Variants in CACNB4 observed in about 807,000 individuals in gnomAD.
CACNB4 encodes calcium voltage-gated channel auxiliary subunit beta 4, also known as voltage-dependent L-type calcium channel subunit beta-4.
Under a neutral mutation model 71.2 loss-of-function variants are expected in CACNB4, and 32 were observed. The ratio of observed to expected loss-of-function variants is 0.45; its 90% CI spans 0.34 to 0.60. The LOEUF (loss-of-function observed/expected upper bound fraction) is 0.60, where lower values mean the gene tolerates loss of function less well. Among genes scored for constraint, CACNB4 ranks in the 20% least tolerant of loss-of-function variants. CACNB4 has a pLI of 0.01. For synonymous variants in CACNB4, 231 were observed against 236.9 expected, an observed-to-expected ratio of 0.97 and a Z score of 0.23; for missense variants, 464 against 647.9, an observed-to-expected ratio of 0.72 and a Z score of 3.08.
intron 2 of CACNB4, among the ~76,000 whole-genome samples, chr2:151,940,002 CGTTA>C (rs1443602366): frequency 1.3e-5 from 2 of 152,074 alleles, no homozygotes; most frequent in Non-Finnish European, 2.9e-5. Context: ...AAATTTTACT[CGTTA>C]GTTTTGAAAT....
intron 2 of CACNB4, among the ~76,000 whole-genome samples, chr2:152,095,843 G>A (rs1214777924): frequency 1.3e-5 from 2 of 151,994 alleles, no homozygotes; most frequent in African/African-American, 2.4e-5. Context: ...TAGTACAGTC[G>A]GGGTTTCACC....
At chr2:152,084,595 T>C (rs1052870852) in intron 2 of CACNB4, among the ~76,000 whole-genome samples, 2 of 152,178 alleles carry the variant, frequency 1.3e-5, no homozygotes, top group African/African-American at 4.8e-5. Context: ...CAACTTCTGC[T>C]GCTGCTTCTG....
intron 2 of CACNB4, among the ~76,000 whole-genome samples, chr2:151,941,779 G>A (rs1199885070): frequency 1.3e-5 from 2 of 152,140 alleles, no homozygotes; most frequent in Non-Finnish European, 2.9e-5. Flanking sequence ...GCACCTTAAG[G>A]TTATGTGCTA....
At chr2:151,883,195 T>C in intron 3 of CACNB4, 56 bp downstream of exon 3, 1 of 1,578,534 alleles carries the variant, frequency 6.3e-7, no homozygotes, top group Non-Finnish European at 8.7e-7. Flanking sequence ...GAAGAGCAGC[T>C]GGTAGCCACT....
chr2:151,924,073 CTTTTTTTT>C (rs59036016), intron 2 of CACNB4, among the ~76,000 whole-genome samples: 1 of 91,418 alleles, frequency 1.1e-5, no homozygotes, highest in Non-Finnish European at 1.9e-5. Context: ...ATTCTGAAAT[CTTTTTTTT>C]TTTTTTTTTT....
chr2:151,957,663 G>T (rs2099868673), intron 2 of CACNB4, among the ~76,000 whole-genome samples: 1 of 152,156 alleles, frequency 6.6e-6, no homozygotes, highest in South Asian at 2.1e-4. Context: ...GTGATTTGGG[G>T]AGCGTTTGCC....
In CACNB4 at chr2:151,837,970, T is replaced by C. The variant is rs2099835256; in HGVS notation, c.*1149A>G. On this transcript the variant is annotated 3_prime_UTR_variant, in exon 14 of 14. Transcript: ENST00000539935. ...ACATCTCCTGAATATCAAAGTTGAGTGTGTCCACATAAAACGAAATTCCTT... is the reference window on the plus strand; with the variant it reads ...ACATCTCCTGAATATCAAAGTTGAGCGTGTCCACATAAAACGAAATTCCTT... 2 of 152,192 alleles carry C rather than the reference T, an allele frequency of 1.3e-5. No homozygotes were observed. Among genetic ancestry groups the C allele is most frequent in the Admixed American group, 1.3e-4 (2 of 15,264 alleles). The allele number at this position is 152,192 out of a possible 1,614,324, so 9.4% of individuals were successfully genotyped here. A position where few individuals can be genotyped will look rare whatever the true frequency, so the allele number is the denominator to read the frequency against.
intron 2 of CACNB4, among the ~76,000 whole-genome samples, chr2:151,913,689 C>T (rs960272962): frequency 5.7e-4 from 85 of 148,660 alleles, no homozygotes; most frequent in Admixed American, 1.9e-3. Context: ...TGGCATGAAC[C>T]CAGGAGGCGG....
chr2:151,850,141 C>CTTTTTTTTTTTTTTTTTT (rs750436136), intron 12 of CACNB4: 3 of 98,160 alleles, frequency 3.1e-5, no homozygotes, highest in Admixed American at 1.0e-4. Flanking sequence ...TTCTTTCTTT[C>CTTTTTTTTTTTTTTTTTT]TTTTTTTTTT....
chr2:152,052,691 A>G (rs1287848234), intron 2 of CACNB4, among the ~76,000 whole-genome samples: 2 of 152,142 alleles, frequency 1.3e-5, no homozygotes, highest in South Asian at 2.1e-4. Flanking sequence ...TAGAAATACC[A>G]TATGTGGGCC....
At chr2:151,839,566 A>G (rs563464090) in intron 13 of CACNB4, among the ~76,000 whole-genome samples, 187 bp from the exon 14 acceptor site, 148 of 152,354 alleles carry the variant, frequency 9.7e-4, no homozygotes, top group Non-Finnish European at 1.8e-3. Context: ...ACATGAAAAG[A>G]TGCCAGAGTG....
chr2:152,036,997 CTTAT>C (rs2105223117), intron 2 of CACNB4, among the ~76,000 whole-genome samples: 1 of 152,324 alleles, frequency 6.6e-6, no homozygotes, highest in Non-Finnish European at 1.5e-5. Flanking sequence ...GAGCAGAACT[CTTAT>C]TTGGGTGTTT....
chr2:151,858,647 T>C (rs969043019), intron 10 of CACNB4: 2 of 152,224 alleles, frequency 1.3e-5, no homozygotes, highest in Non-Finnish European at 2.9e-5. Flanking sequence ...ATTTTGGAGT[T>C]CTCTTTAGCA....
intron 2 of CACNB4, among the ~76,000 whole-genome samples, chr2:151,980,973 C>T (rs1300140070): frequency 6.6e-6 from 1 of 152,106 alleles, no homozygotes; most frequent in Non-Finnish European, 1.5e-5. Context: ...ACAAGATGTC[C>T]CCTCTGTCAG....
rs779884753 is a variant in CACNB4 at position 151,841,973 on chromosome 2, G to A, written c.1232C>T (p.Thr411Ile). The change falls in exon 13 of 14, where the codon ACC becomes ATC. Residue 411 changes from threonine (T) to isoleucine (I), a missense_variant. Thr to Ile is a moderately conservative substitution (Grantham distance 89). Around this residue, in one of 3 missense-constraint regions of CACNB4, gnomAD observed 299 missense variants for 471.7 expected, o/e 0.63. Transcript: ENST00000539935. ...ATHTTSSTPM[T>I]PLLGRNLGST... ...GCCCAAATTCCTTCCCAGCAGCGGGGTCATGGGTGTGCTACTGGTTGTGTG... is the reference window on the plus strand; with the variant it reads ...GCCCAAATTCCTTCCCAGCAGCGGGATCATGGGTGTGCTACTGGTTGTGTG... The A allele has an allele frequency of 1.2e-6, 2 of 1,613,900 alleles. No individual in the cohort carries two copies. Among genetic ancestry groups the A allele is most frequent in the Non-Finnish European group, 1.7e-6 (2 of 1,179,848 alleles).
chr2:151,880,702 C>A (rs1246599806), intron 4 of CACNB4, 98 bp downstream of exon 4: 16 of 1,290,152 alleles, frequency 1.2e-5, no homozygotes, highest in Non-Finnish European at 1.7e-5. Context: ...ACTGCACTGG[C>A]AGCTCCTTGG....
At chr2:151,848,464 G>A (rs577677950) in intron 12 of CACNB4, among the ~76,000 whole-genome samples, 30 of 152,300 alleles carry the variant, frequency 2.0e-4, no homozygotes, top group African/African-American at 7.0e-4. Flanking sequence ...CAAATAAAAT[G>A]ACTGGAAGAG....
chr2:151,889,775 C>A (rs750894464), intron 2 of CACNB4, among the ~76,000 whole-genome samples: 6 of 152,128 alleles, frequency 3.9e-5, no homozygotes, highest in Non-Finnish European at 8.8e-5. Flanking sequence ...TCAAACATGC[C>A]CAGAACTCTT....
At chr2:151,853,889 T>G (rs1005068352) in intron 11 of CACNB4, 5 of 162,362 alleles carry the variant, frequency 3.1e-5, no homozygotes, top group African/African-American at 4.8e-5. Flanking sequence ...ATTATTCACC[T>G]GAATAATGTT....
Sources: gnomAD v4.1 joint callset for allele counts (sites outside exome capture counted in the v4.1 genomes callset) on GRCh38, gnomAD v4.1.1 for gene constraint, gnomAD v4.1.1 regional missense constraint, MANE v1.5 for transcripts, NCBI Gene and HGNC (gene_info 2026-07-23, HGNC 2026-07-21) for gene names.